Variants in FAM107B observed in about 807,000 individuals in gnomAD.
FAM107B encodes the protein protein FAM107B.
Under a neutral mutation model 31.5 loss-of-function variants are expected in FAM107B, and 21 were observed. That is an observed-to-expected ratio of 0.67 (90% CI 0.47 to 0.96). The LOEUF (loss-of-function observed/expected upper bound fraction) is 0.96, where lower values mean the gene tolerates loss of function less well. Among genes scored for constraint, FAM107B ranks in the 40% least tolerant of loss-of-function variants. The probability of loss-of-function intolerance (pLI) is 0.00; values close to 1 mark genes in which losing one functional copy is unlikely to be tolerated. For missense variants in FAM107B, 452 were observed against 377.1 expected (o/e 1.20, Z -1.64); for synonymous variants, 157 against 141.5 (o/e 1.11, Z -0.78).
chr10:14,562,919 T>C (rs1054456526), intron 2 of FAM107B, among the ~76,000 whole-genome samples: 7 of 152,222 alleles, frequency 4.6e-5, no homozygotes, highest in Non-Finnish European at 8.8e-5. Flanking sequence ...AGATAAGAAA[T>C]AGAACTTGCC....
chr10:14,532,317 T>A lies in FAM107B; in HGVS notation c.470-1802A>T, dbSNP rs573701305. Among the ~76,000 whole-genome samples, 3 of 152,276 alleles carry A rather than the reference T, an allele frequency of 2.0e-5. No individual in the cohort carries two copies. In the East Asian group the frequency reaches 5.8e-4, roughly 29 times the overall value. The stretch of plus-strand genomic sequence containing the variant: ...ACCCTGCCCCCAGCACCTCCCCGTG[T>A]TATGTTCTGTCCACCAAACCAAAGC... On this transcript the variant is annotated intron_variant, in intron 2 of 4. Transcript: ENST00000181796.
chr10:14,558,863 G>A (rs1449241195), intron 2 of FAM107B, among the ~76,000 whole-genome samples: 2 of 151,970 alleles, frequency 1.3e-5, no homozygotes, highest in African/African-American at 4.8e-5. Context: ...TATATGAAGG[G>A]GAGCCCAAAT....
At chr10:14,619,890 T>C (rs1420242505) in intron 2 of FAM107B, among the ~76,000 whole-genome samples, 1 of 152,050 alleles carries the variant, frequency 6.6e-6, no homozygotes, top group Admixed American at 6.5e-5. Flanking sequence ...TTTTTTTCAT[T>C]AGTATACAGA....
chr10:14,656,110 C>G (rs1037962855), intron 2 of FAM107B, among the ~76,000 whole-genome samples: 2 of 152,156 alleles, frequency 1.3e-5, no homozygotes, highest in African/African-American at 4.8e-5. Flanking sequence ...GCAGGAACGA[C>G]TTTAGGACAA....
At chr10:14,720,792 T>C (rs1314738972) in intron 1 of FAM107B, among the ~76,000 whole-genome samples, 2 of 152,182 alleles carry the variant, frequency 1.3e-5, no homozygotes, top group African/African-American at 2.4e-5. Flanking sequence ...TTTATCACCT[T>C]TCCCCTCCCT....
intron 2 of FAM107B, among the ~76,000 whole-genome samples, chr10:14,536,653 C>A (rs1238769361): frequency 1.3e-5 from 2 of 152,156 alleles, no homozygotes; most frequent in African/African-American, 2.4e-5. Context: ...CATCTTAGAC[C>A]AGGCAACAGA....
At chr10:14,623,733 T>C (rs1853077709) in intron 2 of FAM107B, among the ~76,000 whole-genome samples, 1 of 151,886 alleles carries the variant, frequency 6.6e-6, no homozygotes, top group South Asian at 2.1e-4. Flanking sequence ...GGCTGAGGCA[T>C]GAGAATTGCT....
At chr10:14,604,131 C>T in intron 2 of FAM107B, 1 of 526,134 alleles carries the variant, frequency 1.9e-6, no homozygotes, top group Non-Finnish European at 2.4e-6. Context: ...ACCCGCCCGG[C>T]CGCCCGCCCG....
intron 1 of FAM107B, among the ~76,000 whole-genome samples, chr10:14,699,106 GAA>G (rs932906993): frequency 6.6e-6 from 1 of 152,150 alleles, no homozygotes; most frequent in African/African-American, 2.4e-5. Flanking sequence ...CAAAGGCAAG[GAA>G]AGTCTGGTAC....
chr10:14,772,382 C>G (rs1162180622), intron 1 of FAM107B, among the ~76,000 whole-genome samples: 1 of 144,150 alleles, frequency 6.9e-6, no homozygotes, highest in Admixed American at 6.8e-5. Context: ...TATATATATG[C>G]ACCTCACTGT....
chr10:14,526,209 T>A (rs919125799), intron 3 of FAM107B, among the ~76,000 whole-genome samples: 1 of 152,228 alleles, frequency 6.6e-6, no homozygotes, highest in Admixed American at 6.5e-5. Flanking sequence ...AGTCTCGCTC[T>A]ATTGCCCATG....
chr10:14,543,873 G>C (rs1336508572), intron 2 of FAM107B, among the ~76,000 whole-genome samples: 1 of 152,130 alleles, frequency 6.6e-6, no homozygotes, highest in East Asian at 1.9e-4. Context: ...CCACCACACA[G>C]GTTTATAACC....
intron 2 of FAM107B, among the ~76,000 whole-genome samples, chr10:14,598,076 C>T (rs761683025): frequency 6.6e-6 from 1 of 152,180 alleles, no homozygotes; most frequent in African/African-American, 2.4e-5. Context: ...CAGATATTAA[C>T]CCCTTATTGG....
rs376086296 is a variant in FAM107B at position 14,737,702 on chromosome 10, G to A, written c.411+36551C>T. On this transcript the variant is annotated intron_variant, in intron 1 of 4. Transcript: ENST00000181796. ...TAAGAAAAACTTACCTTCCCCAATC[G>A]AGAGGTTTCCCTGAAAACGTTTCCC... 1.6e-4 allele frequency among the ~76,000 whole-genome samples: 24 copies of A among 151,594 alleles called. No homozygotes were observed. The East Asian group carries it at 4.5e-3, about 28-fold the overall frequency.
At chr10:14,768,471 C>A (rs1250662795) in intron 1 of FAM107B, among the ~76,000 whole-genome samples, 2 of 152,110 alleles carry the variant, frequency 1.3e-5, no homozygotes, top group East Asian at 1.9e-4. Context: ...AGAATGAAAT[C>A]TCAGAAACAA....
intron 2 of FAM107B, among the ~76,000 whole-genome samples, chr10:14,537,813 GAC>G (rs1847787091): frequency 7.3e-6 from 1 of 136,838 alleles, no homozygotes; most frequent in Non-Finnish European, 1.5e-5. Context: ...CCAGCCTGGC[GAC>G]AGAGTGAGAC....
chr10:14,623,629 C>T (rs576954061), intron 2 of FAM107B, among the ~76,000 whole-genome samples: 17 of 152,318 alleles, frequency 1.1e-4, no homozygotes, highest in African/African-American at 4.1e-4. Flanking sequence ...GGTTTGAGAC[C>T]AGCCTGGCCA....
chr10:14,654,694 T>A (rs1853995707), intron 2 of FAM107B, among the ~76,000 whole-genome samples: 1 of 152,244 alleles, frequency 6.6e-6, no homozygotes, highest in Non-Finnish European at 1.5e-5. Context: ...TTTAAGTCCA[T>A]TCTTACGCTC....
At chr10:14,723,194 A>G (rs2131551639) in intron 1 of FAM107B, 1 of 521,858 alleles carries the variant, frequency 1.9e-6, no homozygotes, top group South Asian at 1.4e-5. Context: ...GTTGCTCCTA[A>G]CCATTCAGTG....
Sources: allele counts gnomAD v4.1 joint callset (sites outside exome capture counted in the v4.1 genomes callset), GRCh38; gene constraint gnomAD v4.1.1; transcripts MANE v1.5; gene names NCBI Gene and HGNC (gene_info 2026-07-23, HGNC 2026-07-21).